RTN1: variants seen among roughly 807,000 people sequenced by gnomAD.
RTN1 encodes reticulon 1, also known as reticulon-1.
A neutral mutation model predicts 65.5 loss-of-function variants in RTN1; 25 were observed. The ratio of observed to expected loss-of-function variants is 0.38; its 90% CI spans 0.28 to 0.53. RTN1 has a LOEUF of 0.53. RTN1 is among the 20% of genes least tolerant of loss of function. The pLI is 0.79. For synonymous variants in RTN1, 471 were observed against 447.6 expected, an observed-to-expected ratio of 1.05 and a Z score of -0.66; for missense variants, 983 against 1,025.4, an observed-to-expected ratio of 0.96 and a Z score of 0.57.
Position 59,755,246 on chromosome 14 carries a change from T to G in RTN1, c.242-8765A>C, listed in dbSNP as rs117329192. Reference sequence around the variant, plus strand: ...ATAGAAATGCTCCATTAGACAAACATCTGGCTTACCCTTCTCCCTGGAATT... The same window carrying G: ...ATAGAAATGCTCCATTAGACAAACAGCTGGCTTACCCTTCTCCCTGGAATT... On this transcript the variant is annotated intron_variant, in intron 1 of 8. Transcript: ENST00000267484. Among the ~76,000 whole-genome samples the G allele has an allele frequency of 1.0e-3, 155 of 152,300 alleles. 2 individuals carry two copies. The East Asian group carries it at 0.025, about 25-fold the overall frequency.
chr14:59,675,680 C>A (rs1883612694), intron 3 of RTN1, among the ~76,000 whole-genome samples: 1 of 151,720 alleles, frequency 6.6e-6, no homozygotes, highest in Admixed American at 6.6e-5. Context: ...GGTTAAGTAA[C>A]TTGTCTAAAG....
chr14:59,667,018 T>C (rs931582599), intron 3 of RTN1, among the ~76,000 whole-genome samples: 1 of 148,460 alleles, frequency 6.7e-6, no homozygotes, highest in African/African-American at 2.5e-5. Flanking sequence ...ACAGCTGAAT[T>C]CTACCAGAGG....
In RTN1 at chr14:59,818,585, T is replaced by A. The variant is rs576265059; in HGVS notation, c.241+51805A>T. Reference sequence around the variant, plus strand: ...TGATATTTTATTCAATCTAGATTGATTCCATGTCTTTGTCATCGCGAATAG... The same window carrying A: ...TGATATTTTATTCAATCTAGATTGAATCCATGTCTTTGTCATCGCGAATAG... On this transcript the variant is annotated intron_variant, in intron 1 of 8. Transcript: ENST00000267484. 2.2e-4 allele frequency among the ~76,000 whole-genome samples: 34 copies of A among 152,376 alleles called. No individual in the cohort carries two copies. In the East Asian group the frequency reaches 6.2e-3, roughly 28 times the overall value.
At chr14:59,693,284 G>T (rs551279513) in intron 3 of RTN1, among the ~76,000 whole-genome samples, 2 of 152,178 alleles carry the variant, frequency 1.3e-5, no homozygotes, top group South Asian at 4.1e-4. Context: ...TGCAGCATTT[G>T]CTATAATATA....
chr14:59,652,447 G>C (rs1016857535), intron 3 of RTN1, among the ~76,000 whole-genome samples: 4 of 152,298 alleles, frequency 2.6e-5, no homozygotes, highest in Admixed American at 2.6e-4. Context: ...ATTAATGGCA[G>C]ATTGGATAAA....
chr14:59,661,717 A>T (rs1883252079), intron 3 of RTN1, among the ~76,000 whole-genome samples: 1 of 152,234 alleles, frequency 6.6e-6, no homozygotes, highest in Admixed American at 6.5e-5. Context: ...TCATGCTAAA[A>T]ACTCTCAATA....
chr14:59,726,962 A>C lies in RTN1; in HGVS notation c.1722T>G (p.Gly574=), dbSNP rs749683658. 1.2e-6 allele frequency: 2 copies of C among 1,613,388 alleles called. No homozygotes were observed. Among genetic ancestry groups the C allele is most frequent in the East Asian group, 4.5e-5 (2 of 44,820 alleles). Residue 574 remains glycine (G), a synonymous_variant, in exon 3 of 9, where the codon GGT becomes GGG. Coordinates refer to ENST00000267484, the MANE Select transcript of RTN1 (RefSeq NM_021136.3). ...ACAGCAGTGGGGGCGGGGCGCCAGG[A>C]CCTAGAGGCCCAGGGCCCTTTGTGG... The part of the protein sequence containing the change: ...PAATKGPGPL[G]PGAPPPLLFL...
At position 59,628,137 on chromosome 14, in the gene RTN1, C is replaced by A. The variant is rs571201330; in HGVS notation, c.1766-20645G>T. 4.6e-5 allele frequency among the ~76,000 whole-genome samples: 7 copies of A among 152,172 alleles called. No homozygotes were observed. In the East Asian group the frequency reaches 1.4e-3, roughly 29 times the overall value. On this transcript the variant is annotated intron_variant, in intron 3 of 8. Transcript: ENST00000267484. ...ATTGCTTGAGGCCAGGAGTTTGATA[C>A]CAGCCTGGGCAACATAGTGAGACAA...
intron 1 of RTN1, among the ~76,000 whole-genome samples, chr14:59,855,936 C>A (rs550062008): frequency 1.3e-5 from 2 of 152,206 alleles, no homozygotes; most frequent in Non-Finnish European, 2.9e-5. Context: ...ACAGTGATTA[C>A]TGTCTAAAAG....
chr14:59,754,694 T>A (rs112807250), intron 1 of RTN1, among the ~76,000 whole-genome samples: 2,584 of 152,284 alleles, frequency 0.017, 73 homozygotes, highest in African/African-American at 0.06. Flanking sequence ...TTTCTTATTA[T>A]CTTTATTTTT....
intron 1 of RTN1, among the ~76,000 whole-genome samples, chr14:59,784,722 T>C (rs1354213860): frequency 6.6e-6 from 1 of 152,244 alleles, no homozygotes; most frequent in Non-Finnish European, 1.5e-5. Flanking sequence ...TTGAATACTT[T>C]TGTAAAAGAA....
chr14:59,791,116 T>A (rs1012390145), intron 1 of RTN1, among the ~76,000 whole-genome samples: 3 of 152,178 alleles, frequency 2.0e-5, no homozygotes, highest in Admixed American at 6.6e-5. Flanking sequence ...GGTAAGATAT[T>A]TCCATTTCCA....
At chr14:59,666,630 C>G (rs901001720) in intron 3 of RTN1, among the ~76,000 whole-genome samples, 1 of 151,270 alleles carries the variant, frequency 6.6e-6, no homozygotes, top group Admixed American at 6.6e-5. Flanking sequence ...GAAAACCCTT[C>G]AAAAAAAATC....
chr14:59,662,120 T>A (rs1273742958), intron 3 of RTN1, among the ~76,000 whole-genome samples: 1 of 151,988 alleles, frequency 6.6e-6, no homozygotes, highest in African/African-American at 2.4e-5. Flanking sequence ...TATTTTATTT[T>A]TTTATTTTTT....
chr14:59,659,076 T>G (rs1354569321), intron 3 of RTN1, among the ~76,000 whole-genome samples: 1 of 151,642 alleles, frequency 6.6e-6, no homozygotes, highest in African/African-American at 2.4e-5. Flanking sequence ...GCAAGAGAAC[T>G]TCGTGAAGCA....
chr14:59,792,583 C>T (rs540967945), intron 1 of RTN1, among the ~76,000 whole-genome samples: 1 of 152,256 alleles, frequency 6.6e-6, no homozygotes, highest in East Asian at 1.9e-4. Flanking sequence ...CAACAATATT[C>T]TCAATGGCTC....
In RTN1 at chr14:59,870,269, G is replaced by T; in HGVS notation, c.241+121C>A. On this transcript the variant is annotated intron_variant, in intron 1 of 8. Transcript: ENST00000267484. The surrounding 1 kb of genome is among the most constrained non-coding windows in gnomAD (Gnocchi z 5.1). ...CCCAGTCGCCCGTGGCGACGCGGGG[G>T]TGGGGTCGGCGCTCAAGGCAGAAAG... 2.0e-6 allele frequency: 2 copies of T among 996,136 alleles called. No homozygotes were observed. The highest frequency in any genetic ancestry group is 2.6e-6 in the Non-Finnish European group (2 of 756,988). 61.7% of individuals were successfully genotyped at this position (996,136 alleles called of 1,614,324 possible).
rs1276259772 is a variant in RTN1, at chr14:59,870,466, G to A, written c.165C>T (p.Ala55=). 1.3e-6 allele frequency: 2 copies of A among 1,484,674 alleles called. No homozygotes were observed. Among genetic ancestry groups the A allele is most frequent in the Non-Finnish European group, 1.8e-6 (2 of 1,126,292 alleles). The allele number at this position is 1,484,674 out of a possible 1,614,324, so 92.0% of individuals were successfully genotyped here. The stretch of plus-strand genomic sequence containing the variant: ...CGGCTTCCCGCGACGCCGCTTCCCG[G>A]GCCCTGGCGCCCAACCCCGGGCTGG... ...GEPSPGLGAR[A]REAASREAGS... is the part of the protein sequence containing the mutation. Residue 55 remains alanine (A), a synonymous_variant, in exon 1 of 9, where the codon GCC becomes GCT. Coordinates refer to ENST00000267484, the MANE Select transcript of RTN1 (RefSeq NM_021136.3). The surrounding 1 kb of genome is among the most constrained non-coding windows in gnomAD (Gnocchi z 5.1).
chr14:59,844,733 T>C (rs1566745416), intron 1 of RTN1, among the ~76,000 whole-genome samples: 1 of 152,214 alleles, frequency 6.6e-6, no homozygotes, highest in Non-Finnish European at 1.5e-5. Flanking sequence ...CATATTATGT[T>C]ATGTGCATTT....
Sources: gnomAD v4.1 joint callset for allele counts (sites outside exome capture counted in the v4.1 genomes callset) on GRCh38, gnomAD v4.1.1 for gene constraint, Gnocchi (gnomAD v3.1) non-coding constraint, MANE v1.5 for transcripts, NCBI Gene and HGNC (gene_info 2026-07-23, HGNC 2026-07-21) for gene names.